SGPP2: variants seen among roughly 807,000 people sequenced by gnomAD.
SGPP2 encodes the protein sphingosine-1-phosphate phosphatase 2, also known as sphingosine 1-phosphate phosphohydrolase 2.
Under a neutral mutation model 33.9 loss-of-function variants are expected in SGPP2, and 30 were observed. The ratio of observed to expected loss-of-function variants is 0.89; its 90% CI spans 0.66 to 1.20. SGPP2 has a LOEUF of 1.20. Among genes scored for constraint, SGPP2 ranks in the 50% most tolerant of loss-of-function variants. The pLI, the probability that SGPP2 is intolerant of heterozygous loss-of-function variation, is 0.00. For synonymous variants in SGPP2, 233 were observed against 225.0 expected (o/e 1.04, Z -0.32); for missense variants, 458 against 532.1 (o/e 0.86, Z 1.37).
chr2:222,445,428 G>T (rs1006068074), intron 1 of SGPP2, among the ~76,000 whole-genome samples: 1 of 152,176 alleles, frequency 6.6e-6, no homozygotes, highest in Non-Finnish European at 1.5e-5. Context: ...AGTCCCCAGG[G>T]CTCCCTCTTG....
chr2:222,508,305 G>A (rs1475911696), intron 2 of SGPP2, among the ~76,000 whole-genome samples: 2 of 152,168 alleles, frequency 1.3e-5, no homozygotes, highest in Non-Finnish European at 2.9e-5. Flanking sequence ...TAGTGAGTTT[G>A]TGAGATGCTA....
intron 2 of SGPP2, among the ~76,000 whole-genome samples, chr2:222,520,934 A>AT (rs1698676755): frequency 6.6e-6 from 1 of 151,984 alleles, no homozygotes; most frequent in South Asian, 2.1e-4. Flanking sequence ...AAATTTTAAA[A>AT]TTTTTTGTAG....
chr2:222,470,891 C>CGA (rs1299445093), intron 1 of SGPP2, among the ~76,000 whole-genome samples: 1 of 152,122 alleles, frequency 6.6e-6, no homozygotes, highest in Non-Finnish European at 1.5e-5. Context: ...CAGAACCTGC[C>CGA]GAGATTAGTC....
At chr2:222,480,478 C>T (rs938607588) in intron 2 of SGPP2, among the ~76,000 whole-genome samples, 1 of 152,168 alleles carries the variant, frequency 6.6e-6, no homozygotes, top group African/African-American at 2.4e-5. Flanking sequence ...GATGAAAGCC[C>T]AGGCTAAAGT....
chr2:222,444,741 G>A (rs1697374668), intron 1 of SGPP2, among the ~76,000 whole-genome samples: 1 of 152,172 alleles, frequency 6.6e-6, no homozygotes, highest in African/African-American at 2.4e-5. Context: ...AATGTTAAGA[G>A]GATTTGAAAC....
chr2:222,518,745 G>A (rs1412313197), intron 2 of SGPP2, among the ~76,000 whole-genome samples: 1 of 152,204 alleles, frequency 6.6e-6, no homozygotes, highest in Non-Finnish European at 1.5e-5. Context: ...AGTCTGATTC[G>A]AAATTGCAGC....
intron 1 of SGPP2, among the ~76,000 whole-genome samples, chr2:222,448,457 CTTG>C (rs1247207495): frequency 6.6e-6 from 1 of 152,230 alleles, no homozygotes; most frequent in Non-Finnish European, 1.5e-5. Context: ...TACTCTCCCA[CTTG>C]TTGGTGCATA....
At chr2:222,445,895 C>G (rs558420595) in intron 1 of SGPP2, among the ~76,000 whole-genome samples, 2 of 152,262 alleles carry the variant, frequency 1.3e-5, no homozygotes, top group East Asian at 1.9e-4. Flanking sequence ...AGAAAGGCTA[C>G]AGTGGGCTTT....
chr2:222,445,959 G>A (rs1198915149), intron 1 of SGPP2, among the ~76,000 whole-genome samples: 2 of 152,174 alleles, frequency 1.3e-5, no homozygotes, highest in Non-Finnish European at 2.9e-5. Context: ...CATTCCAGAA[G>A]GGCGGAACTA....
intron 2 of SGPP2, among the ~76,000 whole-genome samples, chr2:222,515,951 G>A (rs1431261072): frequency 6.6e-6 from 1 of 152,156 alleles, no homozygotes; most frequent in Non-Finnish European, 1.5e-5. Context: ...GGGAGGCTGA[G>A]GCATAAGAAT....
At chr2:222,452,958 C>T in intron 1 of SGPP2, 1 of 1,577,234 alleles carries the variant, frequency 6.3e-7, no homozygotes, top group Non-Finnish European at 8.7e-7. Context: ...GTATTTCTGT[C>T]TCTGAAATCT....
chr2:222,521,842 C>A lies in SGPP2; in HGVS notation c.454C>A (p.Leu152Met). 1.2e-6 allele frequency: 2 copies of A among 1,611,034 alleles called. No homozygotes were observed. Among genetic ancestry groups the A allele is most frequent in the Non-Finnish European group, 1.7e-6 (2 of 1,178,920 alleles). ...PRPSSPPVVK[L>M]EKRLIAEYGM... ...TCCCTCCTCCCCTCCAGTTGTAAAA[C>A]TGGAAAAGAGACTGATCGCTGAATA... The change falls in exon 3 of 5, where the codon CTG becomes ATG. Residue 152 changes from leucine (L) to methionine (M), a missense_variant. Physicochemically the swap from Leu to Met is conservative, Grantham distance 15 (BLOSUM62 2). Transcript: ENST00000321276.
intron 1 of SGPP2, 40 bp from the exon 2 acceptor site, chr2:222,474,528 T>C (rs767008598): frequency 6.3e-6 from 10 of 1,590,714 alleles, no homozygotes; most frequent in South Asian, 3.4e-5. Flanking sequence ...ACTTGACATA[T>C]TGCATGAACT....
chr2:222,445,347 T>C (rs901470590), intron 1 of SGPP2, among the ~76,000 whole-genome samples: 2 of 152,232 alleles, frequency 1.3e-5, no homozygotes, highest in African/African-American at 4.8e-5. Flanking sequence ...AGCACTGGCT[T>C]GCATTCCTGC....
chr2:222,429,900 C>A (rs1239345725), intron 1 of SGPP2, among the ~76,000 whole-genome samples: 1 of 152,200 alleles, frequency 6.6e-6, no homozygotes, highest in African/African-American at 2.4e-5. Context: ...AGGTGTTAAA[C>A]CTCTCTTTAA....
At chr2:222,458,006 T>C (rs1043131898) in intron 1 of SGPP2, among the ~76,000 whole-genome samples, 11 of 152,078 alleles carry the variant, frequency 7.2e-5, no homozygotes, top group African/African-American at 2.7e-4. Flanking sequence ...AGTTACCTGG[T>C]TCTAGGAGCC....
chr2:222,463,750 G>A (rs1343696715), intron 1 of SGPP2, among the ~76,000 whole-genome samples: 1 of 152,202 alleles, frequency 6.6e-6, no homozygotes, highest in East Asian at 1.9e-4. Flanking sequence ...TCAGACTTCA[G>A]TTTTGTGTTT....
Position 222,558,796 on chromosome 2 carries a change from A to G in SGPP2, c.1098A>G (p.Arg366=). ...VVTRNKEARR[R]LEIEVPYKFV... ...CCAGGAACAAGGAGGCCAGGCGGAG[A>G]CTGGAGATTGAAGTGCCTTACAAGT... Residue 366 remains arginine, a synonymous_variant, in exon 5 of 5, where the codon AGA becomes AGG. Transcript: ENST00000321276. 2 of 1,614,114 alleles carry G rather than the reference A, an allele frequency of 1.2e-6. No homozygotes were observed. Among genetic ancestry groups the G allele is most frequent in the Non-Finnish European group, 1.7e-6 (2 of 1,180,026 alleles).
intron 2 of SGPP2, among the ~76,000 whole-genome samples, chr2:222,483,031 A>G (rs1274940006): frequency 6.6e-6 from 1 of 152,190 alleles, no homozygotes; most frequent in Non-Finnish European, 1.5e-5. Flanking sequence ...AGATTGATCC[A>G]TGGTATAGAG....
Sources: gnomAD v4.1 joint callset for allele counts (sites outside exome capture counted in the v4.1 genomes callset) on GRCh38, gnomAD v4.1.1 for gene constraint, MANE v1.5 for transcripts, NCBI Gene and HGNC (gene_info 2026-07-23, HGNC 2026-07-21) for gene names.